The following ARHGAP31 variants were observed in gnomAD, a reference collection of about 807,000 sequenced individuals.
ARHGAP31 encodes the protein rho GTPase-activating protein 31.
In ARHGAP31, 34 loss-of-function variants were observed where a neutral mutation model predicts 113.9. That is an observed-to-expected ratio of 0.30 (90% CI 0.23 to 0.40). ARHGAP31 has a LOEUF of 0.40. Ranked by LOEUF, ARHGAP31 falls within the 10% of genes least tolerant of loss-of-function variation. ARHGAP31 has a pLI of 1.00. For synonymous variants in ARHGAP31, 650 were observed against 684.8 expected (o/e 0.95, Z 0.79); for missense variants, 1,548 against 1,767.1 (o/e 0.88, Z 2.22).
At position 119,295,010 on chromosome 3, in the gene ARHGAP31, G is replaced by A; in HGVS notation, c.100+6G>A. Reference sequence around the variant, plus strand: ...GGAAAGCTCGGGACAGGATGGTAATGTGCCTTGGCCTTTCTCCCCCGCCCC... The same window carrying A: ...GGAAAGCTCGGGACAGGATGGTAATATGCCTTGGCCTTTCTCCCCCGCCCC... On this transcript the variant is annotated splice_donor_region_variant and intron_variant, in intron 1 of 11. Transcript: ENST00000264245. 3 of 1,614,030 alleles carry A rather than the reference G, an allele frequency of 1.9e-6. No homozygotes were observed. The highest frequency in any genetic ancestry group is 2.5e-6 in the Non-Finnish European group (3 of 1,179,918).
intron 1 of ARHGAP31, among the ~76,000 whole-genome samples, chr3:119,358,075 GA>G (rs1478925790): frequency 2.0e-5 from 3 of 152,140 alleles, no homozygotes; most frequent in African/African-American, 7.2e-5. Flanking sequence ...TCAAGAAAGT[GA>G]AAAGACCACC....
intron 1 of ARHGAP31, among the ~76,000 whole-genome samples, chr3:119,318,421 T>A (rs2079752929): frequency 6.6e-6 from 1 of 152,240 alleles, no homozygotes; most frequent in South Asian, 2.1e-4. Flanking sequence ...ACAGAGAGGT[T>A]GTGCTCTGAT....
chr3:119,401,535 G>A lies in ARHGAP31; in HGVS notation c.1070-287G>A, dbSNP rs75493824. On this transcript the variant is annotated intron_variant, in intron 9 of 11. Transcript: ENST00000264245. ...ATGATGGCTCTGTTTAGCAACTTTAGCAGTAATCTTTTTTTGAAAACTGCT... is the reference window on the plus strand; with the variant it reads ...ATGATGGCTCTGTTTAGCAACTTTAACAGTAATCTTTTTTTGAAAACTGCT... Among the ~76,000 whole-genome samples, 21,975 of 152,126 alleles carry A rather than the reference G, an allele frequency of 0.14. 1,985 individuals carry two copies. Among genetic ancestry groups the A allele is most frequent in the Non-Finnish European group, 0.2 (13,364 of 67,972 alleles).
intron 6 of ARHGAP31, among the ~76,000 whole-genome samples, chr3:119,385,474 T>G (rs1219338639): frequency 6.6e-6 from 1 of 152,204 alleles, no homozygotes; most frequent in Non-Finnish European, 1.5e-5. Context: ...TAGGAGTGGC[T>G]GGCCTTTCTT....
chr3:119,391,604 C>G (rs115812284), intron 7 of ARHGAP31, among the ~76,000 whole-genome samples: 19,543 of 113,342 alleles, frequency 0.17, 1,361 homozygotes, highest in Admixed American at 0.24. Flanking sequence ...CCCCTCCCCC[C>G]CGCCGTCACT....
rs769848017 is a variant in ARHGAP31, at chr3:119,383,125, C to T, written c.581C>T (p.Ala194Val). ...GCCACTGGTTGCAATGGAGATGCAG[C>T]CTTCCTTGCAGTCCGGGTCCAGCAG... is the stretch of plus-strand genomic sequence containing the variant. Reference protein sequence around the residue: ...IEATGCNGDAAFLAVRVQQVV... With the variant: ...IEATGCNGDAVFLAVRVQQVV... The change falls in exon 6 of 12, where the codon GCC (alanine) becomes GTC (valine). Residue 194 changes from alanine to valine, a missense_variant. Ala to Val is a moderately conservative substitution (Grantham distance 64). Transcript: ENST00000264245. The T allele has an allele frequency of 6.2e-7, 1 of 1,614,186 alleles. No homozygotes were observed. Among genetic ancestry groups the T allele is most frequent in the Non-Finnish European group, 8.5e-7 (1 of 1,180,036 alleles).
intron 1 of ARHGAP31, among the ~76,000 whole-genome samples, chr3:119,324,524 G>T (rs2079824436): frequency 6.6e-6 from 1 of 152,174 alleles, no homozygotes; most frequent in Admixed American, 6.5e-5. Context: ...TTTTAAACTT[G>T]ATCTGTGAAA....
At chr3:119,334,149 T>A (rs183930030) in intron 1 of ARHGAP31, among the ~76,000 whole-genome samples, 1 of 152,270 alleles carries the variant, frequency 6.6e-6, no homozygotes, top group African/African-American at 2.4e-5. Context: ...CCTCTTGCCC[T>A]TCCAGCACCT....
intron 1 of ARHGAP31, among the ~76,000 whole-genome samples, chr3:119,311,175 C>T (rs1170854670): frequency 6.6e-6 from 1 of 152,230 alleles, no homozygotes; most frequent in African/African-American, 2.4e-5. Context: ...TCACTTCCAA[C>T]CGCTGTCATA....
rs766647440 is a variant in ARHGAP31 at position 119,415,789 on chromosome 3, C to T, written c.3860C>T (p.Thr1287Ile). The T allele has an allele frequency of 9.3e-6, 15 of 1,614,108 alleles. No homozygotes were observed. The highest frequency in any genetic ancestry group is 8.8e-5 in the South Asian group (8 of 91,088). The change falls in exon 12 of 12, where the codon ACC becomes ATC. Residue 1287 changes from threonine to isoleucine, a missense_variant. Transcript: ENST00000264245. ...GCACCCTGCATGTGCGAGGGACCTA[C>T]CCTTTCTCCAGAACCAGGCTCGTCT... ...ATAPCMCEGP[T>I]LSPEPGSSNL...
intron 8 of ARHGAP31, among the ~76,000 whole-genome samples, chr3:119,398,087 T>C (rs2080567447): frequency 6.6e-6 from 1 of 152,086 alleles, no homozygotes; most frequent in African/African-American, 2.4e-5. Context: ...GGCAACACAG[T>C]GAGACCCTGT....
chr3:119,401,708 G>T, intron 9 of ARHGAP31, 114 bp from the exon 10 acceptor site: 1 of 991,290 alleles, frequency 1.0e-6, no homozygotes, highest in African/African-American at 1.6e-5. Context: ...TTATGCCCCT[G>T]TTAGAATGCT....
intron 1 of ARHGAP31, among the ~76,000 whole-genome samples, chr3:119,304,806 A>G (rs921687382): frequency 6.6e-6 from 1 of 152,022 alleles, no homozygotes; most frequent in Non-Finnish European, 1.5e-5. Flanking sequence ...GAGGCGAAAG[A>G]ATTGCTTGAA....
intron 1 of ARHGAP31, among the ~76,000 whole-genome samples, chr3:119,341,377 A>G (rs1282615248): frequency 6.6e-6 from 1 of 152,160 alleles, no homozygotes; most frequent in Non-Finnish European, 1.5e-5. Context: ...AACACTTTTT[A>G]TGTCAGGCAC....
chr3:119,312,474 C>A (rs539732795), intron 1 of ARHGAP31, among the ~76,000 whole-genome samples: 8 of 152,174 alleles, frequency 5.3e-5, no homozygotes, highest in Non-Finnish European at 8.8e-5. Flanking sequence ...TTTCTTCCAG[C>A]CTTCTCTTCA....
Position 119,312,613 on chromosome 3 carries a change from G to T in ARHGAP31, c.100+17609G>T, listed in dbSNP as rs575803318. Among the ~76,000 whole-genome samples the T allele has an allele frequency of 2.0e-3, 298 of 152,234 alleles. 1 individual carries two copies. Among genetic ancestry groups the T allele is most frequent in the Non-Finnish European group, 2.0e-3 (139 of 68,016 alleles). ...AAAATAATAAAATAAAATAACAAAA[G>T]CAATTGTTAAAAACAACAACAACAA... is the stretch of plus-strand genomic sequence containing the variant. On this transcript the variant is annotated intron_variant, in intron 1 of 11. Coordinates refer to ENST00000264245, the MANE Select transcript of ARHGAP31 (RefSeq NM_020754.4).
intron 1 of ARHGAP31, among the ~76,000 whole-genome samples, chr3:119,328,669 C>T (rs2079866698): frequency 6.6e-6 from 1 of 151,936 alleles, no homozygotes; most frequent in African/African-American, 2.4e-5. Context: ...GAGACAGAGT[C>T]TCACTGTGTT....
intron 1 of ARHGAP31, among the ~76,000 whole-genome samples, chr3:119,301,176 T>C (rs1372889475): frequency 1.3e-5 from 2 of 152,208 alleles, no homozygotes; most frequent in African/African-American, 4.8e-5. Flanking sequence ...TTTAGACCTC[T>C]GCCAAGAGCC....
rs532690317 is a variant in ARHGAP31, at chr3:119,336,394, G to C, written c.101-28922G>C. Among the ~76,000 whole-genome samples, 3 of 152,286 alleles carry C rather than the reference G, an allele frequency of 2.0e-5. No homozygotes were observed. In the East Asian group the frequency reaches 5.8e-4, roughly 29 times the overall value. ...CAGTCGCTAGATGGGCCATAGTGTA[G>C]ATCTACACTGACCACGTCAGCAGGG... On this transcript the variant is annotated intron_variant, in intron 1 of 11. Coordinates refer to ENST00000264245, the MANE Select transcript of ARHGAP31 (RefSeq NM_020754.4).
Sources: allele counts gnomAD v4.1 joint callset (sites outside exome capture counted in the v4.1 genomes callset), GRCh38; gene constraint gnomAD v4.1.1; transcripts MANE v1.5; gene names NCBI Gene and HGNC (gene_info 2026-07-23, HGNC 2026-07-21).